EIF4G3: variants seen among roughly 807,000 people sequenced by gnomAD.
EIF4G3 encodes the protein eukaryotic translation initiation factor 4 gamma 3.
EIF4G3 carries 34 observed loss-of-function variants against 186.4 expected under a neutral mutation model. That is an observed-to-expected ratio of 0.18 (90% CI 0.14 to 0.24). EIF4G3 has a LOEUF of 0.24. Among genes scored for constraint, EIF4G3 ranks in the 10% least tolerant of loss-of-function variants. EIF4G3 has a pLI of 1.00. For missense variants in EIF4G3, 1,536 were observed against 1,948.5 expected (o/e 0.79, Z 3.99); for synonymous variants, 673 against 679.5 (o/e 0.99, Z 0.15).
rs2093477394 is a variant in EIF4G3, at chr1:21,040,121, TG to T, written c.-67+10744del. ...GCTAATGTTGACTGACAGCTAGAGT[TG>T]ATCATCACAAGGGCATGATTAGAGG... On this transcript the variant is annotated intron_variant, in intron 4 of 36. Transcript: ENST00000602326. Among the ~76,000 whole-genome samples, 4 of 152,218 alleles carry T rather than the reference TG, an allele frequency of 2.6e-5. No homozygotes were observed. The South Asian group carries it at 8.3e-4, about 32-fold the overall frequency.
intron 4 of EIF4G3, among the ~76,000 whole-genome samples, chr1:21,046,305 G>A (rs991407814): frequency 6.6e-6 from 1 of 152,196 alleles, no homozygotes; most frequent in Non-Finnish European, 1.5e-5. Flanking sequence ...AATCTCCAGA[G>A]AGGACGAAGC....
intron 33 of EIF4G3, among the ~76,000 whole-genome samples, chr1:20,820,137 C>G (rs1205137582): frequency 6.6e-6 from 1 of 152,090 alleles, no homozygotes; most frequent in Non-Finnish European, 1.5e-5. Context: ...GCCCTGCCCT[C>G]CCACCCAAAC....
intron 2 of EIF4G3, chr1:21,161,411 G>C (rs1232312141): frequency 6.5e-6 from 1 of 152,746 alleles, no homozygotes; most frequent in Non-Finnish European, 1.5e-5. Context: ...GCTGAGGCTT[G>C]AGAATCGCTT....
At chr1:20,876,527 T>C (rs908007785) in intron 20 of EIF4G3, among the ~76,000 whole-genome samples, 3 of 150,240 alleles carry the variant, frequency 2.0e-5, no homozygotes, top group Non-Finnish European at 4.4e-5. Flanking sequence ...TACATACTCA[T>C]ATTTTCATGT....
rs781462125 is a variant in EIF4G3 at position 20,886,336 on chromosome 1, G to T, written c.2289C>A (p.Gly763=). 2.5e-6 allele frequency: 4 copies of T among 1,613,678 alleles called. No homozygotes were observed. In the Admixed American group the frequency reaches 6.7e-5, roughly 27 times the overall value. ...TGATCTTTCTGGGTTCTCTTCTTTGGCCAGGTTGAGATCTTCGTGACCCAA... is the reference window on the plus strand; with the variant it reads ...TGATCTTTCTGGGTTCTCTTCTTTGTCCAGGTTGAGATCTTCGTGACCCAA... The part of the protein sequence containing the change: ...LNVGSRRSQP[G]QRREPRKIIT... Residue 763 remains glycine (G), a synonymous_variant, in exon 19 of 37, where the codon GGC becomes GGA. Transcript: ENST00000602326.
At chr1:21,009,330 C>T (rs182617136) in intron 4 of EIF4G3, among the ~76,000 whole-genome samples, 3 of 152,128 alleles carry the variant, frequency 2.0e-5, no homozygotes, top group Admixed American at 6.5e-5. Context: ...TAGGCACATA[C>T]CACAATGCCT....
intron 7 of EIF4G3, chr1:20,988,409 C>T (rs2080103433): frequency 5.9e-6 from 1 of 169,148 alleles, no homozygotes; most frequent in Non-Finnish European, 1.5e-5. Flanking sequence ...GGCATCAAAG[C>T]TTCAAAGCTT....
intron 2 of EIF4G3, among the ~76,000 whole-genome samples, chr1:21,166,601 C>G (rs555913325): frequency 6.6e-6 from 1 of 152,150 alleles, no homozygotes; most frequent in East Asian, 1.9e-4. Context: ...TGGCGTGCAC[C>G]TGTAATCCCC....
At chr1:20,891,480 G>A (rs963189101) in intron 18 of EIF4G3, among the ~76,000 whole-genome samples, 1 of 151,400 alleles carries the variant, frequency 6.6e-6, no homozygotes, top group East Asian at 1.9e-4. Context: ...TGAAAAAAAA[G>A]GTATAAAATG....
rs560424133 is a variant in EIF4G3 at position 20,821,169 on chromosome 1, T to A, written c.4369-3631A>T. On this transcript the variant is annotated intron_variant, in intron 33 of 36. Coordinates refer to ENST00000602326, the MANE Select transcript of EIF4G3 (RefSeq NM_001391906.1). ...TTTTGATAGTCACAGCCCTAAAAGA[T>A]ACTTCAGCATGAAAGAGTTGAAATA... is the stretch of plus-strand genomic sequence containing the variant. Among the ~76,000 whole-genome samples the A allele has an allele frequency of 6.6e-5, 10 of 152,292 alleles. No homozygotes were observed. In the East Asian group the frequency reaches 1.9e-3, roughly 29 times the overall value.
At position 21,068,231 on chromosome 1, in the gene EIF4G3, G is replaced by A. The variant is rs141932199; in HGVS notation, c.-195-17237C>T. ...CTACTAAAAATACAAAAAATTAGCC[G>A]GGCATAAGGCACCTGTAATCCCAGC... On this transcript the variant is annotated intron_variant, in intron 3 of 36. Coordinates refer to ENST00000602326, the MANE Select transcript of EIF4G3 (RefSeq NM_001391906.1). Among the ~76,000 whole-genome samples, 637 of 151,396 alleles carry A rather than the reference G, an allele frequency of 4.2e-3. 7 individuals carry two copies. Among genetic ancestry groups the A allele is most frequent in the African/African-American group, 0.013 (556 of 41,376 alleles).
chr1:20,892,844 T>A, intron 18 of EIF4G3: 1 of 688,886 alleles, frequency 1.5e-6, no homozygotes, highest in Non-Finnish European at 2.4e-6. Context: ...TCGCTCTGTA[T>A]ATATATTTTT....
At chr1:21,088,989 T>C (rs1397259097) in intron 3 of EIF4G3, 149 bp downstream of exon 3, 2 of 586,328 alleles carry the variant, frequency 3.4e-6, no homozygotes, top group Non-Finnish European at 6.1e-6. Flanking sequence ...TAAGATGATA[T>C]GGAAAGGGCC....
chr1:21,128,647 G>GCT (rs1414762017), intron 2 of EIF4G3, among the ~76,000 whole-genome samples: 1 of 152,090 alleles, frequency 6.6e-6, no homozygotes, highest in East Asian at 1.9e-4. Flanking sequence ...AATGCTCATG[G>GCT]CTCTACCTAG....
chr1:21,007,584 TA>T (rs1393178176), intron 4 of EIF4G3, among the ~76,000 whole-genome samples: 1 of 97,738 alleles, frequency 1.0e-5, no homozygotes, highest in Non-Finnish European at 2.2e-5. Flanking sequence ...TGTCTATATA[TA>T]AAAAAGGTGA....
At chr1:21,100,530 A>C (rs1042814521) in intron 2 of EIF4G3, among the ~76,000 whole-genome samples, 12 of 152,298 alleles carry the variant, frequency 7.9e-5, no homozygotes, top group African/African-American at 2.9e-4. Flanking sequence ...CATAAACTCA[A>C]AATGTTTCAT....
At chr1:21,059,546 G>GA (rs2154578364) in intron 3 of EIF4G3, among the ~76,000 whole-genome samples, 1 of 151,086 alleles carries the variant, frequency 6.6e-6, no homozygotes, top group South Asian at 2.1e-4. Context: ...CAACCACCAA[G>GA]AAAAAAAGAG....
chr1:20,867,667 A>G (rs955472715), intron 20 of EIF4G3, among the ~76,000 whole-genome samples: 1 of 152,232 alleles, frequency 6.6e-6, no homozygotes, highest in Non-Finnish European at 1.5e-5. Flanking sequence ...TGACAGGCCT[A>G]TGATTAAACA....
At chr1:21,015,359 AAAT>A (rs2088635560) in intron 4 of EIF4G3, among the ~76,000 whole-genome samples, 1 of 152,186 alleles carries the variant, frequency 6.6e-6, no homozygotes, top group Admixed American at 6.5e-5. Context: ...ATTTCAAAAA[AAAT>A]AATGGGGGAA....
Sources: allele counts gnomAD v4.1 joint callset (sites outside exome capture counted in the v4.1 genomes callset), GRCh38; gene constraint gnomAD v4.1.1; transcripts MANE v1.5; gene names NCBI Gene and HGNC (gene_info 2026-07-23, HGNC 2026-07-21).